RGS12: variants seen among roughly 807,000 people sequenced by gnomAD.
RGS12 encodes the protein regulator of G protein signaling 12.
Under a neutral mutation model 120.1 loss-of-function variants are expected in RGS12, and 66 were observed. That is an observed-to-expected ratio of 0.55 (90% CI 0.45 to 0.67). RGS12 has a LOEUF of 0.67. Ranked by LOEUF, RGS12 falls within the 30% of genes least tolerant of loss-of-function variation. The probability of loss-of-function intolerance (pLI) is 0.00; values close to 1 mark genes in which losing one functional copy is unlikely to be tolerated. For missense variants in RGS12, 1,859 were observed against 1,957.7 expected (o/e 0.95, Z 0.95); for synonymous variants, 827 against 804.7 (o/e 1.03, Z -0.47).
intron 1 of RGS12, among the ~76,000 whole-genome samples, chr4:3,307,209 C>T (rs973511828): frequency 1.9e-4 from 29 of 152,198 alleles, no homozygotes; most frequent in African/African-American, 4.1e-4. Flanking sequence ...GTGTTGCCGC[C>T]GGCTGCTTTT....
At position 3,422,977 on chromosome 4, in the gene RGS12, C is replaced by G. The variant is rs765971889; in HGVS notation, c.3106C>G (p.Arg1036Gly). 1 of 1,612,466 alleles carries G rather than the reference C, an allele frequency of 6.2e-7. No individual in the cohort carries two copies. The highest frequency in any genetic ancestry group is 8.5e-7 in the Non-Finnish European group (1 of 1,179,354). The change falls in exon 12 of 18, where the codon CGG becomes GGG. Residue 1036 changes from arginine to glycine, a missense_variant and splice_region_variant. Physicochemically the swap from Arg to Gly is moderately radical, Grantham distance 125. Coordinates refer to ENST00000336727, the MANE Select transcript of RGS12 (RefSeq NM_001394154.1). ...GCGCCTAGAAAAGCGCACCTTGTTT[C>G]GGTAAGAGGAAGATCGCTGTCATTC... ...DLRLEKRTLF[R>G]LDLVPINRSV...
chr4:3,435,588 C>A (rs996933085), intron 17 of RGS12, among the ~76,000 whole-genome samples: 2 of 151,040 alleles, frequency 1.3e-5, no homozygotes, highest in Admixed American at 1.3e-4. Flanking sequence ...AGCCCTGTCT[C>A]CCCCCAGCAT....
intron 2 of RGS12, among the ~76,000 whole-genome samples, chr4:3,330,984 A>C (rs1711773195): frequency 6.6e-6 from 1 of 152,124 alleles, no homozygotes; most frequent in South Asian, 2.1e-4. Flanking sequence ...GGGCTGGGAG[A>C]TGTAGTCCTT....
intron 9 of RGS12, chr4:3,418,510 G>C (rs1360437356): frequency 1.3e-5 from 2 of 152,388 alleles, no homozygotes; most frequent in Admixed American, 6.5e-5. Flanking sequence ...GCATGGCCCT[G>C]GTGGAGGCAG....
chr4:3,308,464 C>T (rs1008361904), intron 1 of RGS12, among the ~76,000 whole-genome samples: 32 of 152,186 alleles, frequency 2.1e-4, no homozygotes, highest in African/African-American at 7.5e-4. Context: ...AGTCTTGGAG[C>T]GGGGCTAGCG....
chr4:3,311,158 C>G (rs1047946934), intron 1 of RGS12, among the ~76,000 whole-genome samples: 1 of 152,072 alleles, frequency 6.6e-6, no homozygotes, highest in Non-Finnish European at 1.5e-5. Context: ...CTCGGTGCCC[C>G]CAGACTCTCT....
At chr4:3,318,929 A>T (rs1487174147) in intron 2 of RGS12, among the ~76,000 whole-genome samples, 1 of 152,200 alleles carries the variant, frequency 6.6e-6, no homozygotes, top group African/African-American at 2.4e-5. Context: ...TGTTTCAGAG[A>T]AACTACTCCG....
intron 1 of RGS12, among the ~76,000 whole-genome samples, chr4:3,309,396 CTGGAATGGCAGGTGTCCGCTGA>C (rs1724179979): frequency 1.8e-5 from 2 of 112,468 alleles, no homozygotes; most frequent in Non-Finnish European, 3.6e-5. Flanking sequence ...AGCTGGGACC[CTGGAATGGCAGGTGTCCGCTGA>C]GGGGAACCGT....
intron 3 of RGS12, among the ~76,000 whole-genome samples, chr4:3,368,899 C>T (rs2108880705): frequency 6.6e-6 from 1 of 152,202 alleles, no homozygotes; most frequent in Non-Finnish European, 1.5e-5. Context: ...GCCTGCCATG[C>T]CTGTCGTACC....
At chr4:3,330,846 C>T (rs1252885438) in intron 2 of RGS12, among the ~76,000 whole-genome samples, 3 of 152,220 alleles carry the variant, frequency 2.0e-5, no homozygotes, top group Non-Finnish European at 4.4e-5. Flanking sequence ...TTGCCCTGAA[C>T]TTTGAGATCG....
At chr4:3,318,847 C>T (rs900015470) in intron 2 of RGS12, among the ~76,000 whole-genome samples, 1 of 152,080 alleles carries the variant, frequency 6.6e-6, no homozygotes, top group Admixed American at 6.5e-5. Flanking sequence ...GCGGCGCTGC[C>T]GTGTGGGGCT....
chr4:3,391,193 A>C (rs927209960), intron 4 of RGS12, among the ~76,000 whole-genome samples: 1 of 152,234 alleles, frequency 6.6e-6, no homozygotes, highest in South Asian at 2.1e-4. Context: ...TGATGCTCAG[A>C]ATCACACAGT....
chr4:3,389,095 CT>C lies in RGS12; in HGVS notation c.2020+2662del, dbSNP rs1263870033. 6.6e-6 allele frequency among the ~76,000 whole-genome samples: 1 copy of C among 152,190 alleles called. No individual in the cohort carries two copies. Among genetic ancestry groups the C allele is most frequent in the Non-Finnish European group, 1.5e-5 (1 of 68,042 alleles). On this transcript the variant is annotated intron_variant, in intron 4 of 17. Coordinates refer to ENST00000336727, the MANE Select transcript of RGS12 (RefSeq NM_001394154.1). This position sits in a 1 kb window ranked among gnomAD's most constrained non-coding sequence, Gnocchi z 5.2. ...GTTTCATTCTGTGACGCGTATCGTG[CT>C]TTTATAGCTTAGGCTCTCGCTGGAG...
intron 4 of RGS12, among the ~76,000 whole-genome samples, chr4:3,410,147 G>A (rs924029983): frequency 1.3e-5 from 2 of 152,214 alleles, no homozygotes; most frequent in African/African-American, 2.4e-5. Context: ...CATTCATGAG[G>A]ATTGCCTCAT....
chr4:3,393,673 C>G (rs1282432082), intron 4 of RGS12, among the ~76,000 whole-genome samples: 1 of 152,122 alleles, frequency 6.6e-6, no homozygotes, highest in African/African-American at 2.4e-5. Context: ...TCTGTCTTTT[C>G]CCGCAGGTTC....
At chr4:3,350,704 A>AT (rs1024972690) in intron 3 of RGS12, among the ~76,000 whole-genome samples, 1 of 152,182 alleles carries the variant, frequency 6.6e-6, no homozygotes, top group Admixed American at 6.5e-5. Context: ...AACAAAAAAA[A>AT]CAAAAAAGAT....
intron 4 of RGS12, among the ~76,000 whole-genome samples, chr4:3,408,202 G>A (rs961773854): frequency 1.3e-5 from 2 of 152,236 alleles, no homozygotes; most frequent in African/African-American, 4.8e-5. Flanking sequence ...GCTGGGGTCG[G>A]AATGGTGGCT....
intron 1 of RGS12, among the ~76,000 whole-genome samples, chr4:3,302,438 G>C (rs755926617): frequency 6.6e-6 from 1 of 152,260 alleles, no homozygotes; most frequent in Non-Finnish European, 1.5e-5. Flanking sequence ...GTGGTGTGGT[G>C]CTTCTGCAGG....
In RGS12 at chr4:3,422,498, C is replaced by CCTG; in HGVS notation, c.2962_2964dup (p.Leu988dup). 6.2e-7 allele frequency: 1 copy of CCTG among 1,613,016 alleles called. No homozygotes were observed. The stretch of plus-strand genomic sequence containing the variant: ...AGGCGGGCTTCTCCATCAAAGACAT[C>CCTG]CTGTCCGGACTCTGTGAGCGGCATG... On this transcript the variant is annotated inframe_insertion, in exon 11 of 18. Coordinates refer to ENST00000336727, the MANE Select transcript of RGS12 (RefSeq NM_001394154.1).
Sources: gnomAD v4.1 joint callset for allele counts (sites outside exome capture counted in the v4.1 genomes callset) on GRCh38, gnomAD v4.1.1 for gene constraint, Gnocchi (gnomAD v3.1) non-coding constraint, MANE v1.5 for transcripts, NCBI Gene and HGNC (gene_info 2026-07-23, HGNC 2026-07-21) for gene names.